JAM3: variants seen among roughly 807,000 people sequenced by gnomAD.
The protein encoded by JAM3 is junctional adhesion molecule C.
A neutral mutation model predicts 39.4 loss-of-function variants in JAM3; 31 were observed. That is an observed-to-expected ratio of 0.79 (90% CI 0.59 to 1.06). JAM3 has a LOEUF of 1.06. Among genes scored for constraint, JAM3 ranks in the 50% least tolerant of loss-of-function variants. The pLI, the probability that JAM3 is intolerant of heterozygous loss-of-function variation, is 0.00. For synonymous variants in JAM3, 182 were observed against 148.7 expected (o/e 1.22, Z -1.63); for missense variants, 455 against 391.4 (o/e 1.16, Z -1.37).
rs187415771 is a variant in JAM3, at chr11:134,090,500, G to C, written c.76+21341G>C. ...GATATACAAAAGGAAAACTAGATGAGAACAAACAAGCTGAGTAAAAGTAGT... is the reference window on the plus strand; with the variant it reads ...GATATACAAAAGGAAAACTAGATGACAACAAACAAGCTGAGTAAAAGTAGT... On this transcript the variant is annotated intron_variant, in intron 1 of 8. Coordinates refer to ENST00000299106, the MANE Select transcript of JAM3 (RefSeq NM_032801.5). Among the ~76,000 whole-genome samples the C allele has an allele frequency of 1.9e-4, 29 of 152,254 alleles. No homozygotes were observed. The East Asian group carries it at 5.2e-3, about 27-fold the overall frequency.
At chr11:134,080,899 C>G (rs764578463) in intron 1 of JAM3, among the ~76,000 whole-genome samples, 44 of 152,244 alleles carry the variant, frequency 2.9e-4, no homozygotes, top group Non-Finnish European at 5.6e-4. Flanking sequence ...TGGTTTTTAC[C>G]AAAATGCTGA....
At chr11:134,103,832 C>A (rs1294035907) in intron 1 of JAM3, among the ~76,000 whole-genome samples, 1 of 152,132 alleles carries the variant, frequency 6.6e-6, no homozygotes, top group African/African-American at 2.4e-5. Context: ...TATATGCACT[C>A]AATACAGGAG....
chr11:134,136,618 C>A (rs900289779), intron 1 of JAM3, among the ~76,000 whole-genome samples: 2 of 152,176 alleles, frequency 1.3e-5, no homozygotes, highest in African/African-American at 4.8e-5. Flanking sequence ...TGCAGATAGT[C>A]ATTTAAGCTA....
intron 1 of JAM3, among the ~76,000 whole-genome samples, chr11:134,105,406 G>A (rs1197286699): frequency 6.6e-6 from 1 of 152,138 alleles, no homozygotes; most frequent in Non-Finnish European, 1.5e-5. Context: ...CATACCGAAT[G>A]GGCAAAATCT....
chr11:134,134,435 T>G (rs1942826666), intron 1 of JAM3, among the ~76,000 whole-genome samples: 2 of 116,098 alleles, frequency 1.7e-5, no homozygotes, highest in South Asian at 2.8e-4. Flanking sequence ...TCTAGGCATA[T>G]CATAATCACA....
rs1254397356 is a variant in JAM3, at chr11:134,150,835, C to G, written c.*1654C>G. ...AAACAAACCATGATGGAGTGGCGGC[C>G]AGTCCAGCCTTTTAAAGAACGTCAG... On this transcript the variant is annotated 3_prime_UTR_variant, in exon 9 of 9. Transcript: ENST00000299106. The G allele has an allele frequency of 6.6e-6, 1 of 152,172 alleles. No individual in the cohort carries two copies. The highest frequency in any genetic ancestry group is 2.4e-5 in the African/African-American group (1 of 41,420). 9.4% of individuals were successfully genotyped at this position (152,172 alleles called of 1,614,324 possible).
chr11:134,109,483 AT>A (rs1942269776), intron 1 of JAM3, among the ~76,000 whole-genome samples: 1 of 152,202 alleles, frequency 6.6e-6, no homozygotes. Context: ...ATAAAATTTT[AT>A]TGGAACACAG....
intron 1 of JAM3, among the ~76,000 whole-genome samples, chr11:134,073,558 C>T (rs1278334769): frequency 6.6e-6 from 1 of 152,152 alleles, no homozygotes; most frequent in Non-Finnish European, 1.5e-5. Context: ...ATCATAGTCT[C>T]TAGTTCAGTT....
intron 1 of JAM3, among the ~76,000 whole-genome samples, chr11:134,125,379 T>A (rs1341702120): frequency 6.6e-6 from 1 of 152,246 alleles, no homozygotes; most frequent in Non-Finnish European, 1.5e-5. Context: ...CAATGGGATC[T>A]CCTTTTAGGC....
chr11:134,105,672 A>G (rs1001986813), intron 1 of JAM3, among the ~76,000 whole-genome samples: 1 of 151,980 alleles, frequency 6.6e-6, no homozygotes, highest in Non-Finnish European at 1.5e-5. Flanking sequence ...TACAAAATCA[A>G]TGTCCAGACA....
At chr11:134,125,624 A>C (rs1472506000) in intron 1 of JAM3, among the ~76,000 whole-genome samples, 1 of 152,156 alleles carries the variant, frequency 6.6e-6, no homozygotes, top group African/African-American at 2.4e-5. Context: ...GAGTGTAGTC[A>C]TCTTTCCATC....
chr11:134,121,501 A>G (rs1942531587), intron 1 of JAM3, among the ~76,000 whole-genome samples: 1 of 151,614 alleles, frequency 6.6e-6, no homozygotes, highest in Non-Finnish European at 1.5e-5. Flanking sequence ...CATGTAAAAC[A>G]TGTTTTGTTG....
At chr11:134,069,895 G>A (rs1591764211) in intron 1 of JAM3, among the ~76,000 whole-genome samples, 1 of 151,886 alleles carries the variant, frequency 6.6e-6, no homozygotes, top group East Asian at 1.9e-4. Context: ...TACCTTTTTT[G>A]TCTCTGGCCT....
chr11:134,072,212 G>A lies in JAM3; in HGVS notation c.76+3053G>A, dbSNP rs538593808. Among the ~76,000 whole-genome samples, 5 of 152,188 alleles carry A rather than the reference G, an allele frequency of 3.3e-5. No homozygotes were observed. The South Asian group carries it at 1.0e-3, about 32-fold the overall frequency. On this transcript the variant is annotated intron_variant, in intron 1 of 8. Coordinates refer to ENST00000299106, the MANE Select transcript of JAM3 (RefSeq NM_032801.5). Reference sequence around the variant, plus strand: ...CAAATTCCTTCTCCATAAATTCTTTGAATTTTTTAAAAGCACAAATGTAGT... The same window carrying A: ...CAAATTCCTTCTCCATAAATTCTTTAAATTTTTTAAAAGCACAAATGTAGT...
Position 134,144,531 on chromosome 11 carries a change from G to A in JAM3, c.409+138G>A, listed in dbSNP as rs1252284627. ...GGAGGGGAGAACTGTTGAGAGCTGA[G>A]ACTGCCTGAGTTGGGGTAGAAGGTG... On this transcript the variant is annotated intron_variant, in intron 4 of 8. Transcript: ENST00000299106. The A allele has an allele frequency of 7.4e-6, 8 of 1,081,130 alleles. No individual in the cohort carries two copies. The Admixed American group carries it at 1.4e-4, about 19-fold the overall frequency. The allele number at this position is 1,081,130 out of a possible 1,614,324, so 67.0% of individuals were successfully genotyped here. A position where few individuals can be genotyped will look rare whatever the true frequency, so the allele number is the denominator to read the frequency against.
chr11:134,125,358 T>C (rs537671342), intron 1 of JAM3, among the ~76,000 whole-genome samples: 8 of 152,142 alleles, frequency 5.3e-5, no homozygotes, highest in Non-Finnish European at 8.8e-5. Context: ...CAAGATAGGG[T>C]TTTACTCAAA....
rs1410420823 is a variant in JAM3, at chr11:134,145,999, C to T, written c.666C>T (p.Ser222=). 1 of 1,614,138 alleles carries T rather than the reference C, an allele frequency of 6.2e-7. No homozygotes were observed. The highest frequency in any genetic ancestry group is 2.2e-5 in the East Asian group (1 of 44,886). ...DDSGQYYCIA[S]NDAGSARCEE... ...CTGGGCAGTACTACTGCATTGCTTC[C>T]AATGACGCAGGCTCAGCCAGGTGTG... Residue 222 remains serine, a synonymous_variant, in exon 6 of 9, where the codon TCC becomes TCT. Transcript: ENST00000299106.
At chr11:134,138,294 A>C (rs71472115) in intron 1 of JAM3, among the ~76,000 whole-genome samples, 25 of 94,966 alleles carry the variant, frequency 2.6e-4, no homozygotes, top group African/African-American at 6.1e-4. Flanking sequence ...TTTATGGCCA[A>C]TAGTCCCTTA....
At chr11:134,082,620 C>G (rs546441386) in intron 1 of JAM3, among the ~76,000 whole-genome samples, 110 of 152,294 alleles carry the variant, frequency 7.2e-4, no homozygotes, top group African/African-American at 2.5e-3. Flanking sequence ...TGAGATATGC[C>G]TTTCACCTTC....
Sources: allele counts gnomAD v4.1 joint callset (sites outside exome capture counted in the v4.1 genomes callset), GRCh38; gene constraint gnomAD v4.1.1; transcripts MANE v1.5; gene names NCBI Gene and HGNC (gene_info 2026-07-23, HGNC 2026-07-21).